CSMD1: variants seen among roughly 807,000 people sequenced by gnomAD.
The protein encoded by CSMD1 is CUB and Sushi multiple domains 1.
A neutral mutation model predicts 417.5 loss-of-function variants in CSMD1; 213 were observed. That is an observed-to-expected ratio of 0.51 (90% CI 0.46 to 0.57). CSMD1 has a LOEUF of 0.57. Ranked by LOEUF, CSMD1 falls within the 20% of genes least tolerant of loss-of-function variation. The pLI is 0.00. For synonymous variants in CSMD1, 2,862 were observed against 1,736.8 expected (o/e 1.65, Z -16.11); for missense variants, 6,923 against 4,529.7 (o/e 1.53, Z -15.17).
intron 12 of CSMD1, among the ~76,000 whole-genome samples, chr8:3,442,857 G>C (rs1007952870): frequency 6.6e-6 from 1 of 151,972 alleles, no homozygotes; most frequent in African/African-American, 2.4e-5. Context: ...TCTGTACCTG[G>C]TTTTGGCCTC....
At chr8:3,750,855 C>G (rs1413861327) in intron 6 of CSMD1, among the ~76,000 whole-genome samples, 1 of 152,194 alleles carries the variant, frequency 6.6e-6, no homozygotes. Flanking sequence ...AGCAACCATA[C>G]TGGAGCTTCC....
intron 5 of CSMD1, among the ~76,000 whole-genome samples, chr8:3,900,274 CGTG>C (rs1180804494): frequency 4.3e-5 from 6 of 141,108 alleles, no homozygotes; most frequent in African/African-American, 1.4e-4. Flanking sequence ...AGCACAGCTG[CGTG>C]ACAGTGCAGC....
rs536958755 is a variant in CSMD1 at position 4,320,363 on chromosome 8, T to G, written c.415+99590A>C. On this transcript the variant is annotated intron_variant, in intron 3 of 69. Coordinates refer to ENST00000635120, the MANE Select transcript of CSMD1 (RefSeq NM_033225.6). ...AAGTCATCACACAAATAAACCTTTTTTATTATTATTATACTTTAAGTTGTG... is the reference window on the plus strand; with the variant it reads ...AAGTCATCACACAAATAAACCTTTTGTATTATTATTATACTTTAAGTTGTG... 1.7e-3 allele frequency among the ~76,000 whole-genome samples: 254 copies of G among 152,274 alleles called. 1 individual carries two copies. Among genetic ancestry groups the G allele is most frequent in the Middle Eastern group, 6.8e-3 (2 of 294 alleles).
intron 1 of CSMD1, among the ~76,000 whole-genome samples, chr8:4,925,697 C>T (rs1016338983): frequency 2.0e-5 from 3 of 152,068 alleles, no homozygotes; most frequent in Non-Finnish European, 2.9e-5. Flanking sequence ...CAGGCGCCCG[C>T]CACCACGCAG....
intron 26 of CSMD1, among the ~76,000 whole-genome samples, chr8:3,250,164 C>A (rs759870546): frequency 1.3e-5 from 2 of 152,134 alleles, no homozygotes; most frequent in Non-Finnish European, 2.9e-5. Context: ...CCCATTAAGT[C>A]GTCATTTAAC....
At chr8:2,957,966 G>C (rs918824701) in intron 62 of CSMD1, among the ~76,000 whole-genome samples, 159 bp from the exon 63 acceptor site, 1 of 152,198 alleles carries the variant, frequency 6.6e-6, no homozygotes, top group African/African-American at 2.4e-5. Flanking sequence ...TTAACTGCCT[G>C]CTACAGTGTT....
intron 40 of CSMD1, among the ~76,000 whole-genome samples, chr8:3,147,964 C>T (rs1362034403): frequency 6.6e-6 from 1 of 152,136 alleles, no homozygotes; most frequent in Non-Finnish European, 1.5e-5. Flanking sequence ...CTTTTGCAAC[C>T]TGATCACCAA....
chr8:3,747,064 G>A (rs13279005), intron 6 of CSMD1, among the ~76,000 whole-genome samples: 49,879 of 152,076 alleles, frequency 0.33, 8,370 homozygotes, highest in Admixed American at 0.37. Context: ...ACTAAAACAC[G>A]TTCTGATGTT....
chr8:3,484,068 G>C (rs994310004), intron 11 of CSMD1, among the ~76,000 whole-genome samples: 1 of 152,100 alleles, frequency 6.6e-6, no homozygotes, highest in Non-Finnish European at 1.5e-5. Flanking sequence ...GAGTATACAT[G>C]CATATATGTT....
At chr8:4,205,154 C>T (rs1241100820) in intron 3 of CSMD1, among the ~76,000 whole-genome samples, 1 of 152,006 alleles carries the variant, frequency 6.6e-6, no homozygotes, top group Admixed American at 6.5e-5. Context: ...TGAAATTGTT[C>T]TTAGAGAGAA....
At chr8:4,956,518 T>C (rs1459328913) in intron 1 of CSMD1, among the ~76,000 whole-genome samples, 1 of 149,002 alleles carries the variant, frequency 6.7e-6, no homozygotes, top group Non-Finnish European at 1.5e-5. Flanking sequence ...TATACACACG[T>C]ATTTTAAATA....
intron 5 of CSMD1, among the ~76,000 whole-genome samples, chr8:3,932,763 C>A (rs927345485): frequency 6.7e-6 from 1 of 150,094 alleles, no homozygotes; most frequent in African/African-American, 2.5e-5. Context: ...CACTAATAAC[C>A]ATAAAGGTTA....
chr8:3,775,825 T>C (rs917738742), intron 5 of CSMD1, among the ~76,000 whole-genome samples: 3 of 152,220 alleles, frequency 2.0e-5, no homozygotes, highest in African/African-American at 7.2e-5. Flanking sequence ...TCCATTGCTT[T>C]CCGCCAACGC....
At chr8:3,656,232 G>C (rs1798097363) in intron 7 of CSMD1, among the ~76,000 whole-genome samples, 1 of 152,058 alleles carries the variant, frequency 6.6e-6, no homozygotes, top group Non-Finnish European at 1.5e-5. Context: ...ACCATGTGAG[G>C]GACCCAGGTA....
intron 1 of CSMD1, among the ~76,000 whole-genome samples, chr8:4,781,895 T>A (rs1454870845): frequency 6.6e-6 from 1 of 152,168 alleles, no homozygotes; most frequent in Admixed American, 6.5e-5. Flanking sequence ...TTATACCACA[T>A]ACCCAGCTAG....
chr8:3,446,697 G>A (rs1449485155), intron 12 of CSMD1, among the ~76,000 whole-genome samples: 5 of 152,198 alleles, frequency 3.3e-5, no homozygotes, highest in Non-Finnish European at 5.9e-5. Context: ...AGGAACACAT[G>A]CCATTCTTGA....
At chr8:4,230,707 C>T (rs149610566) in intron 3 of CSMD1, among the ~76,000 whole-genome samples, 9 of 152,226 alleles carry the variant, frequency 5.9e-5, no homozygotes, top group African/African-American at 2.2e-4. Context: ...TTTTCCTAGA[C>T]CTTTAATGAC....
intron 5 of CSMD1, among the ~76,000 whole-genome samples, chr8:3,967,084 A>T (rs1812725118): frequency 6.6e-6 from 1 of 152,184 alleles, no homozygotes; most frequent in African/African-American, 2.4e-5. Context: ...AGCTATTCTA[A>T]CAAGGAAAGA....
At chr8:4,212,171 T>C (rs976825179) in intron 3 of CSMD1, among the ~76,000 whole-genome samples, 2 of 141,870 alleles carry the variant, frequency 1.4e-5, no homozygotes, top group Non-Finnish European at 3.0e-5. Context: ...GTCACTTCCC[T>C]ATTTATATAT....
Sources: gnomAD v4.1 joint callset for allele counts (sites outside exome capture counted in the v4.1 genomes callset) on GRCh38, gnomAD v4.1.1 for gene constraint, MANE v1.5 for transcripts, NCBI Gene and HGNC (gene_info 2026-07-23, HGNC 2026-07-21) for gene names.